ZBTB24: variants seen among roughly 807,000 people sequenced by gnomAD.
ZBTB24 encodes the protein zinc finger and BTB domain containing 24, also known as zinc finger and BTB domain-containing protein 24.
Under a neutral mutation model 53.8 loss-of-function variants are expected in ZBTB24, and 32 were observed. That is an observed-to-expected ratio of 0.60 (90% CI 0.45 to 0.80). ZBTB24 has a LOEUF of 0.80. Among genes scored for constraint, ZBTB24 ranks in the 30% least tolerant of loss-of-function variants. ZBTB24 has a pLI of 0.00. For synonymous variants in ZBTB24, 297 were observed against 306.7 expected (o/e 0.97, Z 0.33); for missense variants, 722 against 837.1 (o/e 0.86, Z 1.70).
At chr6:109,476,688 C>T in intron 3 of ZBTB24, 75 bp downstream of exon 3, 1 of 1,555,376 alleles carries the variant, frequency 6.4e-7, no homozygotes, top group Non-Finnish European at 8.7e-7. Context: ...GAGAAAACAC[C>T]ATTTAGGTGT....
At chr6:109,478,445 C>T (rs1356541227) in intron 2 of ZBTB24, among the ~76,000 whole-genome samples, 1 of 152,192 alleles carries the variant, frequency 6.6e-6, no homozygotes, top group Non-Finnish European at 1.5e-5. Context: ...CTCTTCCTCT[C>T]CAATTCATCT....
At chr6:109,475,616 T>C in intron 4 of ZBTB24, 134 bp from the exon 5 acceptor site, 1 of 1,013,968 alleles carries the variant, frequency 9.9e-7, no homozygotes. Context: ...ATTTTTTCAT[T>C]AATTTGGTAA....
rs1775917209 is a variant in ZBTB24, at chr6:109,462,691, G to C, written c.*3160C>G. ...ACAGAGTAGAGGTGAGTTTCAAGAA[G>C]CACTGGGCAAGCACTTGAATAACTG... On this transcript the variant is annotated 3_prime_UTR_variant, in exon 7 of 7. Coordinates refer to ENST00000230122, the MANE Select transcript of ZBTB24 (RefSeq NM_014797.3). 6.6e-6 allele frequency: 1 copy of C among 152,184 alleles called. No individual in the cohort carries two copies. Among genetic ancestry groups the C allele is most frequent in the Non-Finnish European group, 1.5e-5 (1 of 68,020 alleles). The allele number at this position is 152,184 out of a possible 1,614,324, so 9.4% of individuals were successfully genotyped here. A position where few individuals can be genotyped will look rare whatever the true frequency, so the allele number is the denominator to read the frequency against.
chr6:109,476,082 G>A lies in ZBTB24; in HGVS notation c.1204+93C>T, dbSNP rs1013421516. On this transcript the variant is annotated intron_variant, in intron 4 of 6. Transcript: ENST00000230122. The stretch of plus-strand genomic sequence containing the variant: ...TAAATACCCTATGTGAACGATATGT[G>A]CTAAGAGCAGAACAATATAAACCTA... The A allele has an allele frequency of 4.2e-6, 6 of 1,427,106 alleles. No homozygotes were observed. In the East Asian group the frequency reaches 6.9e-5, roughly 16 times the overall value. 88.4% of individuals were successfully genotyped at this position (1,427,106 alleles called of 1,614,324 possible).
At position 109,465,459 on chromosome 6, in the gene ZBTB24, C is replaced by T; in HGVS notation, c.*392G>A. 1 of 607,698 alleles carries T rather than the reference C, an allele frequency of 1.6e-6. No homozygotes were observed. The highest frequency in any genetic ancestry group is 2.8e-5 in the East Asian group (1 of 36,034). The allele number at this position is 607,698 out of a possible 1,614,324, so 37.6% of individuals were successfully genotyped here. ...AACAAACCATTCTGCCCAGTTCAAC[C>T]AAAATGACTCCCTTTGTCCTAGAAA... On this transcript the variant is annotated 3_prime_UTR_variant, in exon 7 of 7. Coordinates refer to ENST00000230122, the MANE Select transcript of ZBTB24 (RefSeq NM_014797.3).
At chr6:109,467,792 A>G in intron 5 of ZBTB24, 58 bp from the exon 6 acceptor site, 3 of 1,573,264 alleles carry the variant, frequency 1.9e-6, no homozygotes, top group South Asian at 2.3e-5. Context: ...TTAACAATAT[A>G]CATTCAGAAT....
chr6:109,480,003 T>C (rs1228284256), intron 2 of ZBTB24, among the ~76,000 whole-genome samples: 1 of 150,094 alleles, frequency 6.7e-6, no homozygotes, highest in African/African-American at 2.5e-5. Context: ...TTGTTCGAAG[T>C]ACCTGAATTC....
Position 109,465,711 on chromosome 6 carries a change from T to C in ZBTB24, c.*140A>G, listed in dbSNP as rs778077595. ...CTTGCTACCTGGATGGAGGGCATTA[T>C]AAACATCAGTTAGCCATCACAGCTC... On this transcript the variant is annotated 3_prime_UTR_variant, in exon 7 of 7. Coordinates refer to ENST00000230122, the MANE Select transcript of ZBTB24 (RefSeq NM_014797.3). 44 of 1,606,626 alleles carry C rather than the reference T, an allele frequency of 2.7e-5. No homozygotes were observed. In the Admixed American group the frequency reaches 7.3e-4, roughly 27 times the overall value.
At chr6:109,483,013 G>C (rs959801023) in intron 1 of ZBTB24, 85 bp downstream of exon 1, 2 of 152,210 alleles carry the variant, frequency 1.3e-5, no homozygotes, top group African/African-American at 4.8e-5. Flanking sequence ...GGGCCCGACT[G>C]GGGAGCACAC....
intron 2 of ZBTB24, among the ~76,000 whole-genome samples, chr6:109,477,430 C>A (rs1463194829): frequency 6.6e-6 from 1 of 152,186 alleles, no homozygotes; most frequent in Non-Finnish European, 1.5e-5. Flanking sequence ...GGAGTACAGG[C>A]ATGAGCCACC....
At chr6:109,466,679 G>A (rs900931617) in intron 6 of ZBTB24, 105 bp from the exon 7 acceptor site, 6 of 1,447,004 alleles carry the variant, frequency 4.1e-6, no homozygotes, top group African/African-American at 2.8e-5. Context: ...TAACTAGACT[G>A]CAAGTCATAA....
intron 1 of ZBTB24, 142 bp downstream of exon 1, chr6:109,482,955 AG>A (rs1776464947): frequency 6.6e-6 from 1 of 152,184 alleles, no homozygotes; most frequent in African/African-American, 2.4e-5. Flanking sequence ...TGGTCCCAGC[AG>A]GGAGAGGTGG....
chr6:109,468,599 T>C (rs960453122), intron 5 of ZBTB24, among the ~76,000 whole-genome samples: 6 of 152,164 alleles, frequency 3.9e-5, no homozygotes. Context: ...ATTTAGTTTT[T>C]CCACAATGCT....
chr6:109,480,992 T>C (rs781676617), intron 2 of ZBTB24, 83 bp downstream of exon 2: 81 of 1,573,506 alleles, frequency 5.1e-5, no homozygotes, highest in Non-Finnish European at 4.2e-5. Context: ...CACACAGAAG[T>C]TGCACAGTAA....
At chr6:109,468,512 GTTATT>G (rs1562300163) in intron 5 of ZBTB24, among the ~76,000 whole-genome samples, 2 of 152,046 alleles carry the variant, frequency 1.3e-5, no homozygotes, top group East Asian at 3.9e-4. Context: ...CTGTTCACAT[GTTATT>G]TTATCAGTGA....
chr6:109,466,487 G>A lies in ZBTB24; in HGVS notation c.1458C>T (p.Gly486=), dbSNP rs758004283. The A allele has an allele frequency of 8.7e-6, 14 of 1,614,084 alleles. No homozygotes were observed. Among genetic ancestry groups the A allele is most frequent in the Non-Finnish European group, 5.1e-6 (6 of 1,180,050 alleles). The change falls in exon 7 of 7, where the codon GGC becomes GGT. Residue 486 remains glycine (G), a synonymous_variant. Transcript: ENST00000230122. ...ACTCAGGGCAGGAGAAAGGCTTCTT[G>A]CCAGTGTGTAGAATGCAGTGTCTCC... is the stretch of plus-strand genomic sequence containing the variant. The part of the protein sequence containing the change: ...AKRRHCILHT[G]KKPFSCPECN...
chr6:109,476,129 T>G, intron 4 of ZBTB24, 46 bp downstream of exon 4: 1 of 1,593,688 alleles, frequency 6.3e-7, no homozygotes, highest in Non-Finnish European at 8.6e-7. Flanking sequence ...ACAATTCTTA[T>G]TTGCATTTCT....
chr6:109,467,611 G>C, intron 6 of ZBTB24, 42 bp downstream of exon 6: 1 of 1,614,028 alleles, frequency 6.2e-7, no homozygotes, highest in South Asian at 1.1e-5. Flanking sequence ...CAGCAGAACT[G>C]AATGAGGCCT....
rs745880371 is a variant in ZBTB24, at chr6:109,481,330, C to T, written c.697G>A (p.Val233Ile). Residue 233 changes from valine to isoleucine, a missense_variant, in exon 2 of 7, where the codon GTT (valine) becomes ATT (isoleucine). By Grantham distance (29) the Val-to-Ile change is conservative. Transcript: ENST00000230122. ...CEPSREEEMP[V>I]EKDENYDPKT... Reference sequence around the variant, plus strand: ...GGATCATAGTTCTCATCTTTTTCAACTGGCATTTCCTCCTCTCTACTTGGC... The same window carrying T: ...GGATCATAGTTCTCATCTTTTTCAATTGGCATTTCCTCCTCTCTACTTGGC... 2.5e-6 allele frequency: 4 copies of T among 1,614,222 alleles called. No homozygotes were observed. In the South Asian group the frequency reaches 4.4e-5, roughly 18 times the overall value.
Sources: gnomAD v4.1 joint callset for allele counts (sites outside exome capture counted in the v4.1 genomes callset) on GRCh38, gnomAD v4.1.1 for gene constraint, MANE v1.5 for transcripts, NCBI Gene and HGNC (gene_info 2026-07-23, HGNC 2026-07-21) for gene names.